DIP2A: variants seen among roughly 807,000 people sequenced by gnomAD.
DIP2A encodes the protein disco-interacting protein 2 homolog A.
In DIP2A, 85 loss-of-function variants were observed where a neutral mutation model predicts 177.4. That is an observed-to-expected ratio of 0.48 (90% CI 0.40 to 0.57). The LOEUF is 0.57. Ranked by LOEUF, DIP2A falls within the 20% of genes least tolerant of loss-of-function variation. The pLI is 0.00. For synonymous variants in DIP2A, 886 were observed against 881.8 expected (o/e 1.00, Z -0.08); for missense variants, 1,791 against 2,100.2 (o/e 0.85, Z 2.88).
At chr21:46,583,199 T>C in the DIP2A span, among the ~76,000 whole-genome samples, 9,297 of 152,172 alleles carry the variant, frequency 0.061, 763 homozygotes, top group African/African-American at 0.19. Context: ...AGCTAACAAT[T>C]ACAAATATGT....
intron 36 of DIP2A, among the ~76,000 whole-genome samples, chr21:46,566,104 C>T (rs1473712494): frequency 2.0e-5 from 3 of 152,134 alleles, no homozygotes; most frequent in Non-Finnish European, 2.9e-5. Flanking sequence ...CTGCTGAGGG[C>T]GTGGGGGACG....
In DIP2A at chr21:46,549,640, C is replaced by T. The variant is rs796447702; in HGVS notation, c.2523-131C>T. Reference sequence around the variant, plus strand: ...GATGAGTTACTTTTTGAATGTGCAGCAGGTAGCCCCATTTGATAGACTGCA... The same window carrying T: ...GATGAGTTACTTTTTGAATGTGCAGTAGGTAGCCCCATTTGATAGACTGCA... On this transcript the variant is annotated intron_variant, in intron 21 of 37. Transcript: ENST00000417564. The T allele has an allele frequency of 3.4e-6, 5 of 1,466,950 alleles. No individual in the cohort carries two copies. In the African/African-American group the frequency reaches 7.0e-5, roughly 21 times the overall value. The allele number at this position is 1,466,950 out of a possible 1,614,324, so 90.9% of individuals were successfully genotyped here. A position where few individuals can be genotyped will look rare whatever the true frequency, so the allele number is the denominator to read the frequency against.
At chr21:46,464,588 G>T (rs1487586391) in intron 1 of DIP2A, among the ~76,000 whole-genome samples, 1 of 152,086 alleles carries the variant, frequency 6.6e-6, no homozygotes, top group Non-Finnish European at 1.5e-5. Flanking sequence ...CTAGCATCTA[G>T]CAAGGACTTT....
chr21:46,558,018 A>AG (rs2060528485), intron 31 of DIP2A, among the ~76,000 whole-genome samples: 1 of 152,148 alleles, frequency 6.6e-6, no homozygotes, highest in African/African-American at 2.4e-5. Flanking sequence ...GCCGCGTGGG[A>AG]GGGCAGGTGT....
chr21:46,468,450 C>A (rs1723670873), intron 1 of DIP2A, among the ~76,000 whole-genome samples: 1 of 149,694 alleles, frequency 6.7e-6, no homozygotes, highest in Admixed American at 6.7e-5. Flanking sequence ...GGCGCCAGAA[C>A]AAATCCTACA....
intron 8 of DIP2A, among the ~76,000 whole-genome samples, chr21:46,521,123 C>G (rs963795864): frequency 6.6e-6 from 1 of 152,150 alleles, no homozygotes; most frequent in Non-Finnish European, 1.5e-5. Context: ...TCCAAATAAT[C>G]TGTCTCCTTT....
At chr21:46,464,322 G>A (rs1366924336) in intron 1 of DIP2A, among the ~76,000 whole-genome samples, 3 of 152,074 alleles carry the variant, frequency 2.0e-5, no homozygotes, top group Non-Finnish European at 4.4e-5. Flanking sequence ...GAACCTGGGA[G>A]GCAGAGGTTG....
At chr21:46,554,786 G>GGGGGGGGGGGGGCCCC in intron 27 of DIP2A, 36 bp from the exon 28 acceptor site, 6 of 1,519,008 alleles carry the variant, frequency 3.9e-6, no homozygotes, top group Non-Finnish European at 5.3e-6. Context: ...AGCTTGAGAG[G>GGGGGGGGGGGGGCCCC]CCCCGCCCAC....
chr21:46,537,645 G>T lies in DIP2A; in HGVS notation c.1801+106G>T. 9.2e-7 allele frequency: 1 copy of T among 1,085,064 alleles called. No individual in the cohort carries two copies. The highest frequency in any genetic ancestry group is 2.1e-5 in the Admixed American group (1 of 47,904). The allele number at this position is 1,085,064 out of a possible 1,614,324, so 67.2% of individuals were successfully genotyped here. On this transcript the variant is annotated intron_variant, in intron 15 of 37. Coordinates refer to ENST00000417564, the MANE Select transcript of DIP2A (RefSeq NM_015151.4). The surrounding 1 kb of genome is among the most constrained non-coding windows in gnomAD (Gnocchi z 4.1). The stretch of plus-strand genomic sequence containing the variant: ...AAAGCTGACATGTGGAACTGCAGAT[G>T]TAGGCTGAAGAGCTGTGGGACGTCT...
At chr21:46,518,227 G>GC (rs1055328396) in intron 8 of DIP2A, among the ~76,000 whole-genome samples, 22 of 152,326 alleles carry the variant, frequency 1.4e-4, no homozygotes, top group African/African-American at 5.3e-4. Context: ...TCTGGTGTGT[G>GC]CCACGTGGTA....
rs1468317976 is a variant in DIP2A, at chr21:46,556,620, T to C, written c.3499-319T>C. 3 of 372,438 alleles carry C rather than the reference T, an allele frequency of 8.1e-6. No individual in the cohort carries two copies. Among genetic ancestry groups the C allele is most frequent in the African/African-American group, 2.1e-5 (1 of 47,338 alleles). 23.1% of individuals were successfully genotyped at this position (372,438 alleles called of 1,614,324 possible). A position where few individuals can be genotyped will look rare whatever the true frequency, so the allele number is the denominator to read the frequency against. On this transcript the variant is annotated intron_variant, in intron 29 of 37. Transcript: ENST00000417564. The surrounding 1 kb of genome is among the most constrained non-coding windows in gnomAD (Gnocchi z 4.5). ...ATTGCTTGAACCCGGGAGGCAGAGG[T>C]TGCAGTGAGCCGAGATTGTGCCATT...
chr21:46,533,740 T>C, intron 11 of DIP2A, 93 bp downstream of exon 11: 1 of 1,553,266 alleles, frequency 6.4e-7, no homozygotes, highest in South Asian at 1.2e-5. Flanking sequence ...CAGAGGTGTC[T>C]GGGTCTTCAG....
Position 46,551,922 on chromosome 21 carries a change from C to T in DIP2A, c.3030+18C>T, listed in dbSNP as rs760550349. 8 of 1,584,690 alleles carry T rather than the reference C, an allele frequency of 5.0e-6. No homozygotes were observed. The Admixed American group carries it at 5.3e-5, about 11-fold the overall frequency. ...ACGCCAAGGTGAGGCAGTGTCACGC[C>T]CACGGGGCTTGGAAACACCTGTGGG... On this transcript the variant is annotated intron_variant, in intron 25 of 37. Coordinates refer to ENST00000417564, the MANE Select transcript of DIP2A (RefSeq NM_015151.4).
At chr21:46,506,077 CAATACCTAGAAGTAG>C (rs2057965005) in intron 6 of DIP2A, among the ~76,000 whole-genome samples, 1 of 151,708 alleles carries the variant, frequency 6.6e-6, no homozygotes, top group Non-Finnish European at 1.5e-5. Flanking sequence ...TCTTTTGGGT[CAATACCTAGAAGTAG>C]AATGGCTGAA....
rs1460626314 is a variant in DIP2A at position 46,554,242 on chromosome 21, A to C, written c.3104A>C (p.Glu1035Ala). 1 of 1,613,924 alleles carries C rather than the reference A, an allele frequency of 6.2e-7. No individual in the cohort carries two copies. Among genetic ancestry groups the C allele is most frequent in the Non-Finnish European group, 8.5e-7 (1 of 1,179,846 alleles). ...GAGAGAGTGGCCGCGGCTCTGATGG[A>C]GAAGGGAAGACTGAGTGTTGGGGAC... ...RAERVAAALM[E>A]KGRLSVGDHV... Residue 1035 changes from glutamate to alanine, a missense_variant, in exon 26 of 38, where the codon GAG becomes GCG. Transcript: ENST00000417564.
In DIP2A at chr21:46,538,791, G is replaced by C. The variant is rs976699322; in HGVS notation, c.1921+189G>C. On this transcript the variant is annotated intron_variant, in intron 16 of 37. Transcript: ENST00000417564. ...GGTTTATCCCATGCATGTTTATTAG[G>C]CCACTAAATTTAAAAGCAATTTTAA... is the stretch of plus-strand genomic sequence containing the variant. 6 of 836,752 alleles carry C rather than the reference G, an allele frequency of 7.2e-6. No homozygotes were observed. In the African/African-American group the frequency reaches 1.0e-4, roughly 14 times the overall value. 51.8% of individuals were successfully genotyped at this position (836,752 alleles called of 1,614,324 possible). A position where few individuals can be genotyped will look rare whatever the true frequency, so the allele number is the denominator to read the frequency against.
In DIP2A at chr21:46,475,973, C is replaced by T. The variant is rs185368602; in HGVS notation, c.92-8784C>T. 2.6e-4 allele frequency among the ~76,000 whole-genome samples: 40 copies of T among 152,136 alleles called. 1 individual carries two copies. The highest frequency in any genetic ancestry group is 7.7e-4 in the East Asian group (4 of 5,178). On this transcript the variant is annotated intron_variant, in intron 1 of 37. Coordinates refer to ENST00000417564, the MANE Select transcript of DIP2A (RefSeq NM_015151.4). ...ATGATTGGCTGGGCGCAGTGGCTCACGCCTGTAATCCCAGCACTTCGGGAG... is the reference window on the plus strand; with the variant it reads ...ATGATTGGCTGGGCGCAGTGGCTCATGCCTGTAATCCCAGCACTTCGGGAG...
chr21:46,523,682 C>G (rs565645769), intron 8 of DIP2A, among the ~76,000 whole-genome samples: 1 of 152,272 alleles, frequency 6.6e-6, no homozygotes, highest in South Asian at 2.1e-4. Context: ...TTGGACTATT[C>G]CCAGAAGAAG....
chr21:46,549,686 T>A, intron 21 of DIP2A, 85 bp from the exon 22 acceptor site: 1 of 1,572,780 alleles, frequency 6.4e-7, no homozygotes. Context: ...TAGGACAGTC[T>A]GCCTCTTCCA....
Sources: gnomAD v4.1 joint callset for allele counts (sites outside exome capture counted in the v4.1 genomes callset) on GRCh38, gnomAD v4.1.1 for gene constraint, Gnocchi (gnomAD v3.1) non-coding constraint, MANE v1.5 for transcripts, NCBI Gene and HGNC (gene_info 2026-07-23, HGNC 2026-07-21) for gene names.